The following NPSR1 variants were observed in gnomAD, a reference collection of about 807,000 sequenced individuals.
NPSR1 encodes neuropeptide S receptor.
Under a neutral mutation model 46.9 loss-of-function variants are expected in NPSR1, and 48 were observed. The observed-to-expected ratio is 1.02, with a 90% CI of 0.81 to 1.30. NPSR1 has a LOEUF of 1.30. Ranked by LOEUF, NPSR1 falls within the 50% of genes most tolerant of loss-of-function variation. The pLI, the probability that NPSR1 is intolerant of heterozygous loss-of-function variation, is 0.00. For synonymous variants in NPSR1, 176 were observed against 168.1 expected, an observed-to-expected ratio of 1.05 and a Z score of -0.36; for missense variants, 450 against 449.5, an observed-to-expected ratio of 1.00 and a Z score of -0.01.
chr7:34,803,281 G>T (rs937770952), intron 3 of NPSR1, among the ~76,000 whole-genome samples: 1 of 151,796 alleles, frequency 6.6e-6, no homozygotes, highest in Non-Finnish European at 1.5e-5. Context: ...TGTTTATTGC[G>T]GCACTATTCA....
At chr7:34,679,510 T>A (rs945966173) in intron 1 of NPSR1, among the ~76,000 whole-genome samples, 2 of 152,308 alleles carry the variant, frequency 1.3e-5, no homozygotes, top group Admixed American at 6.5e-5. Context: ...CCGAGTGTTT[T>A]GATAAGTTCT....
chr7:34,751,563 T>G, intron 2 of NPSR1: 1 of 1,596,418 alleles, frequency 6.3e-7, no homozygotes. Context: ...CCTTGGGATC[T>G]TTGGTCTTGT....
At chr7:34,819,960 T>C (rs1789473229) in intron 4 of NPSR1, among the ~76,000 whole-genome samples, 2 of 152,070 alleles carry the variant, frequency 1.3e-5, no homozygotes, top group Non-Finnish European at 2.9e-5. Context: ...TTAGCAGAAA[T>C]AGCTAATGTA....
At chr7:34,875,604 C>T (rs185496073) in intron 8 of NPSR1, among the ~76,000 whole-genome samples, 1 of 152,156 alleles carries the variant, frequency 6.6e-6, no homozygotes, top group Non-Finnish European at 1.5e-5. Flanking sequence ...GAGAGGGTGT[C>T]GAGCCCCAGT....
chr7:34,705,331 G>T (rs775821682), intron 2 of NPSR1, among the ~76,000 whole-genome samples: 2 of 151,756 alleles, frequency 1.3e-5, no homozygotes, highest in Non-Finnish European at 2.9e-5. Flanking sequence ...GGAGGCTGAG[G>T]TGGGAGGATC....
intron 2 of NPSR1, among the ~76,000 whole-genome samples, chr7:34,752,947 T>C (rs191941746): frequency 1.3e-5 from 2 of 152,324 alleles, no homozygotes; most frequent in Admixed American, 1.3e-4. Flanking sequence ...TGGACAAATA[T>C]CGTGCAACAC....
At chr7:34,859,031 T>C (rs867408577) in intron 8 of NPSR1, among the ~76,000 whole-genome samples, 2 of 150,952 alleles carry the variant, frequency 1.3e-5, no homozygotes, top group Non-Finnish European at 1.5e-5. Flanking sequence ...GGTTCAAGGG[T>C]GTTCAGTTTA....
At chr7:34,720,292 G>A (rs1403823470) in intron 2 of NPSR1, among the ~76,000 whole-genome samples, 4 of 151,370 alleles carry the variant, frequency 2.6e-5, no homozygotes, top group African/African-American at 4.9e-5. Flanking sequence ...AAAAAAAAAG[G>A]GAGCCAGACA....
At chr7:34,831,385 T>G (rs1397430799) in intron 5 of NPSR1, among the ~76,000 whole-genome samples, 1 of 151,774 alleles carries the variant, frequency 6.6e-6, no homozygotes, top group East Asian at 1.9e-4. Flanking sequence ...TTTCTGGCTA[T>G]CTAATGCCTA....
At chr7:34,748,398 G>C (rs552203573) in intron 2 of NPSR1, among the ~76,000 whole-genome samples, 1 of 152,180 alleles carries the variant, frequency 6.6e-6, no homozygotes, top group African/African-American at 2.4e-5. Flanking sequence ...AGCACAGCTT[G>C]GGATTGGGGC....
intron 2 of NPSR1, among the ~76,000 whole-genome samples, chr7:34,716,677 G>GT (rs1319123586): frequency 6.6e-6 from 1 of 151,994 alleles, no homozygotes; most frequent in Non-Finnish European, 1.5e-5. Context: ...ATATCACCAG[G>GT]TTTTTTTAAA....
chr7:34,677,880 G>A (rs892608389), intron 1 of NPSR1, among the ~76,000 whole-genome samples: 8 of 152,212 alleles, frequency 5.3e-5, no homozygotes, highest in African/African-American at 9.6e-5. Context: ...TGGACAGCTG[G>A]CTAAGTAAAA....
chr7:34,804,466 A>C (rs1368349044), intron 3 of NPSR1, among the ~76,000 whole-genome samples: 1 of 152,140 alleles, frequency 6.6e-6, no homozygotes, highest in African/African-American at 2.4e-5. Flanking sequence ...GCATTTAACA[A>C]AATTCAACAT....
intron 3 of NPSR1, among the ~76,000 whole-genome samples, chr7:34,790,897 TTA>T (rs1249581906): frequency 3.9e-5 from 5 of 129,482 alleles, no homozygotes; most frequent in Admixed American, 8.2e-5. Flanking sequence ...ATCATATATG[TTA>T]TATGTTATAT....
At chr7:34,806,003 C>T (rs1233433408) in intron 3 of NPSR1, among the ~76,000 whole-genome samples, 1 of 151,834 alleles carries the variant, frequency 6.6e-6, no homozygotes, top group East Asian at 1.9e-4. Context: ...TAGATAATCA[C>T]TAAAATTCAA....
intron 3 of NPSR1, among the ~76,000 whole-genome samples, chr7:34,779,108 T>G (rs1787115434): frequency 6.6e-6 from 1 of 152,116 alleles, no homozygotes; most frequent in Non-Finnish European, 1.5e-5. Context: ...CTAAGATCTA[T>G]TTTTAGATTA....
rs778391095 is a variant in NPSR1, at chr7:34,834,341, G to A, written c.681-43G>A. 3.0e-5 allele frequency: 44 copies of A among 1,457,106 alleles called. No homozygotes were observed. The Admixed American group carries it at 7.2e-4, about 24-fold the overall frequency. 90.3% of individuals were successfully genotyped at this position (1,457,106 alleles called of 1,614,324 possible). A position where few individuals can be genotyped will look rare whatever the true frequency, so the allele number is the denominator to read the frequency against. On this transcript the variant is annotated intron_variant, in intron 5 of 8. Transcript: ENST00000360581. ...GTCTTCTCTGTGTCCTCACAGTAGG[G>A]ATCCACCAGTCACTTTAATACTACC... is the stretch of plus-strand genomic sequence containing the variant.
At chr7:34,696,500 T>C (rs1004273695) in intron 2 of NPSR1, among the ~76,000 whole-genome samples, 1 of 151,986 alleles carries the variant, frequency 6.6e-6, no homozygotes, top group Non-Finnish European at 1.5e-5. Context: ...TTTAAAATAA[T>C]GAAGATTGAA....
At chr7:34,695,414 A>C (rs922297497) in intron 2 of NPSR1, among the ~76,000 whole-genome samples, 1 of 152,178 alleles carries the variant, frequency 6.6e-6, no homozygotes, top group Non-Finnish European at 1.5e-5. Flanking sequence ...AGAATTTATG[A>C]CAAAGACCCC....
Sources: allele counts gnomAD v4.1 joint callset (sites outside exome capture counted in the v4.1 genomes callset), GRCh38; gene constraint gnomAD v4.1.1; transcripts MANE v1.5; gene names NCBI Gene and HGNC (gene_info 2026-07-23, HGNC 2026-07-21).